Variants in CNTNAP2 observed in about 807,000 individuals in gnomAD.
CNTNAP2 encodes contactin-associated protein-like 2.
Under a neutral mutation model 155.2 loss-of-function variants are expected in CNTNAP2, and 98 were observed. That is an observed-to-expected ratio of 0.63 (90% CI 0.54 to 0.75). The LOEUF (loss-of-function observed/expected upper bound fraction) is 0.75, where lower values mean the gene tolerates loss of function less well. CNTNAP2 is among the 30% of genes least tolerant of loss of function. The probability of loss-of-function intolerance (pLI) is 0.00; values close to 1 mark genes in which losing one functional copy is unlikely to be tolerated. For missense variants in CNTNAP2, 1,727 were observed against 1,688.1 expected, an observed-to-expected ratio of 1.02 and a Z score of -0.40; for synonymous variants, 651 against 631.2, an observed-to-expected ratio of 1.03 and a Z score of -0.47.
chr7:147,402,654 T>C (rs1026787342), intron 10 of CNTNAP2, among the ~76,000 whole-genome samples: 1 of 152,162 alleles, frequency 6.6e-6, no homozygotes, highest in Non-Finnish European at 1.5e-5. Context: ...ACACAGTGAT[T>C]TCTATATCTT....
intron 9 of CNTNAP2, among the ~76,000 whole-genome samples, chr7:147,313,495 C>A (rs1237244247): frequency 6.7e-6 from 1 of 150,028 alleles, no homozygotes; most frequent in African/African-American, 2.5e-5. Flanking sequence ...AGCCAGTTTT[C>A]CCAGCACCAT....
chr7:146,867,333 C>G (rs1175247058), intron 3 of CNTNAP2, among the ~76,000 whole-genome samples: 1 of 152,082 alleles, frequency 6.6e-6, no homozygotes, highest in African/African-American at 2.4e-5. Context: ...GTCCATGTTC[C>G]TGCAAAAGAC....
chr7:148,211,749 A>C (rs1186545609), intron 18 of CNTNAP2, among the ~76,000 whole-genome samples: 2 of 152,188 alleles, frequency 1.3e-5, no homozygotes, highest in Non-Finnish European at 2.9e-5. Flanking sequence ...TTTAATTACT[A>C]ATATACAGTG....
chr7:146,295,068 C>A (rs1800491357), intron 1 of CNTNAP2, among the ~76,000 whole-genome samples: 1 of 151,878 alleles, frequency 6.6e-6, no homozygotes, highest in African/African-American at 2.4e-5. Context: ...TATAGAATTC[C>A]AAATTTAAGT....
In CNTNAP2 at chr7:147,961,060, G is replaced by A. The variant is rs137937083; in HGVS notation, c.2256-16802G>A. Among the ~76,000 whole-genome samples the A allele has an allele frequency of 3.8e-4, 58 of 152,084 alleles. No homozygotes were observed. In the East Asian group the frequency reaches 8.7e-3, roughly 23 times the overall value. ...CTTTTTGTAAAACGCCTTCTGAATC[G>A]AGTATCTTTTGATTCCATACAATTC... On this transcript the variant is annotated intron_variant, in intron 14 of 23. Transcript: ENST00000361727.
At chr7:147,178,554 G>A (rs997893209) in intron 8 of CNTNAP2, among the ~76,000 whole-genome samples, 1 of 152,140 alleles carries the variant, frequency 6.6e-6, no homozygotes, top group African/African-American at 2.4e-5. Context: ...TGGAGTTTAA[G>A]AGTCTGAATG....
chr7:147,297,884 G>A (rs1794868476), intron 8 of CNTNAP2, among the ~76,000 whole-genome samples: 1 of 152,138 alleles, frequency 6.6e-6, no homozygotes, highest in Non-Finnish European at 1.5e-5. Context: ...ACAAACATAG[G>A]AGTGCAGATA....
intron 8 of CNTNAP2, among the ~76,000 whole-genome samples, chr7:147,234,337 T>C (rs1032267988): frequency 1.2e-4 from 14 of 119,876 alleles, no homozygotes; most frequent in African/African-American, 4.3e-4. Context: ...GAGTATTCTT[T>C]TTTTTTTTTT....
chr7:146,425,817 C>T (rs1161040135), intron 1 of CNTNAP2, among the ~76,000 whole-genome samples: 2 of 151,874 alleles, frequency 1.3e-5, no homozygotes, highest in Non-Finnish European at 2.9e-5. Flanking sequence ...TTATTGTCTT[C>T]CACCTTTTGA....
At chr7:146,542,708 C>A (rs930749479) in intron 1 of CNTNAP2, among the ~76,000 whole-genome samples, 3 of 151,820 alleles carry the variant, frequency 2.0e-5, no homozygotes, top group Admixed American at 6.6e-5. Context: ...ACTTAAAATA[C>A]CAGGAAGATT....
chr7:146,865,858 ATACACAAAT>A (rs1795194706), intron 3 of CNTNAP2, among the ~76,000 whole-genome samples: 1 of 152,174 alleles, frequency 6.6e-6, no homozygotes, highest in Admixed American at 6.6e-5. Flanking sequence ...TTCATTCACA[ATACACAAAT>A]ACAGTAAAAG....
At chr7:147,263,058 C>T (rs1307177836) in intron 8 of CNTNAP2, among the ~76,000 whole-genome samples, 1 of 152,192 alleles carries the variant, frequency 6.6e-6, no homozygotes, top group African/African-American at 2.4e-5. Flanking sequence ...GGGAACAAGA[C>T]TTAGTTGGCC....
At chr7:148,047,449 C>T (rs1266040837) in intron 15 of CNTNAP2, among the ~76,000 whole-genome samples, 5 of 152,122 alleles carry the variant, frequency 3.3e-5, no homozygotes, top group African/African-American at 1.2e-4. Flanking sequence ...ATGTTTTCCC[C>T]ATAAGGCACA....
chr7:146,145,384 A>C (rs1018430993), intron 1 of CNTNAP2, among the ~76,000 whole-genome samples: 2 of 152,208 alleles, frequency 1.3e-5, no homozygotes, highest in African/African-American at 4.8e-5. Context: ...TTAGCTGGGC[A>C]CATTACTATC....
At chr7:146,165,655 T>C (rs1798301213) in intron 1 of CNTNAP2, among the ~76,000 whole-genome samples, 1 of 152,194 alleles carries the variant, frequency 6.6e-6, no homozygotes, top group South Asian at 2.1e-4. Context: ...TCTATCTGTA[T>C]GTCTTCAATT....
At chr7:147,024,425 C>A (rs954689125) in intron 3 of CNTNAP2, among the ~76,000 whole-genome samples, 1 of 151,938 alleles carries the variant, frequency 6.6e-6, no homozygotes, top group Non-Finnish European at 1.5e-5. Context: ...ATGATTGTAC[C>A]GTATCGTGTA....
At position 146,571,734 on chromosome 7, in the gene CNTNAP2, C is replaced by CT. The variant is rs376437154; in HGVS notation, c.98-202522dup. On this transcript the variant is annotated intron_variant, in intron 1 of 23. Transcript: ENST00000361727. ...ACATTTAAAAACTTTTCTTTTCTTT[C>CT]TTTTTTTTTTTTTTTGAGACGCAGT... 6.3e-3 allele frequency among the ~76,000 whole-genome samples: 871 copies of CT among 137,708 alleles called. 8 individuals are homozygous for CT. The highest frequency in any genetic ancestry group is 0.022 in the African/African-American group (801 of 37,136). The allele number at this position is 137,708 out of a possible 152,430, so 90.3% of individuals were successfully genotyped here. A position where few individuals can be genotyped will look rare whatever the true frequency, so the allele number is the denominator to read the frequency against.
intron 23 of CNTNAP2, among the ~76,000 whole-genome samples, chr7:148,410,749 TAGAA>T (rs967685486): frequency 6.6e-6 from 1 of 151,716 alleles, no homozygotes; most frequent in Admixed American, 6.6e-5. Context: ...CACATGGAGG[TAGAA>T]AGAAAAACAC....
chr7:147,994,194 G>T (rs1801763366), intron 15 of CNTNAP2, among the ~76,000 whole-genome samples: 1 of 151,942 alleles, frequency 6.6e-6, no homozygotes, highest in Admixed American at 6.6e-5. Context: ...AACATAGCAA[G>T]ACCCTGTATT....
Sources: gnomAD v4.1 joint callset for allele counts (sites outside exome capture counted in the v4.1 genomes callset) on GRCh38, gnomAD v4.1.1 for gene constraint, MANE v1.5 for transcripts, NCBI Gene and HGNC (gene_info 2026-07-23, HGNC 2026-07-21) for gene names.